Variants in USP6NL observed in about 807,000 individuals in gnomAD.
USP6NL encodes the protein USP6 N-terminal like.
USP6NL carries 26 observed loss-of-function variants against 61.9 expected under a neutral mutation model. That is an observed-to-expected ratio of 0.42 (90% confidence interval 0.31 to 0.58). The LOEUF (loss-of-function observed/expected upper bound fraction) is 0.58, where lower values mean the gene tolerates loss of function less well. Ranked by LOEUF, USP6NL falls within the 20% of genes least tolerant of loss-of-function variation. The pLI is 0.16. For synonymous variants in USP6NL, 432 were observed against 390.1 expected (o/e 1.11, Z -1.27); for missense variants, 1,114 against 1,034.3 (o/e 1.08, Z -1.06).
At chr10:11,524,874 T>C (rs1186320826) in intron 4 of USP6NL, among the ~76,000 whole-genome samples, 7 of 152,200 alleles carry the variant, frequency 4.6e-5, no homozygotes, top group Admixed American at 3.9e-4. Context: ...TTATTTTAAC[T>C]GCTTTACTTT....
At position 11,482,027 on chromosome 10, in the gene USP6NL, G is replaced by A. The variant is rs7921833; in HGVS notation, c.926-105C>T. The stretch of plus-strand genomic sequence containing the variant: ...AGTGTAAAAGGGCATTAAAAAGGGC[G>A]CAAGCAGCATACAACTTACATATGG... On this transcript the variant is annotated intron_variant, in intron 13 of 14. Transcript: ENST00000609104. The surrounding 1 kb of genome is among the most constrained non-coding windows in gnomAD (Gnocchi z 4.0). The A allele has an allele frequency of 0.23, 260,753 of 1,157,038 alleles. 33,859 individuals carry two copies. Among genetic ancestry groups the A allele is most frequent in the East Asian group, 0.62 (23,607 of 38,026 alleles). The allele number at this position is 1,157,038 out of a possible 1,614,324, so 71.7% of individuals were successfully genotyped here. A position where few individuals can be genotyped will look rare whatever the true frequency, so the allele number is the denominator to read the frequency against.
In USP6NL at chr10:11,590,948, T is replaced by C. The variant is rs994941264; in HGVS notation, c.4+6683A>G. Among the ~76,000 whole-genome samples, 10 of 152,252 alleles carry C rather than the reference T, an allele frequency of 6.6e-5. No individual in the cohort carries two copies. The South Asian group carries it at 1.2e-3, about 19-fold the overall frequency. On this transcript the variant is annotated intron_variant, in intron 2 of 14. Transcript: ENST00000609104. ...TACAGGAATTCCTTGTTTTACCCAATAGATGTACTCCTATAAGACAAAATT... is the reference window on the plus strand; with the variant it reads ...TACAGGAATTCCTTGTTTTACCCAACAGATGTACTCCTATAAGACAAAATT...
Position 11,532,597 on chromosome 10 carries a change from T to C in USP6NL, c.5-5030A>G, listed in dbSNP as rs1359673918. On this transcript the variant is annotated intron_variant, in intron 2 of 14. Coordinates refer to ENST00000609104, the MANE Select transcript of USP6NL (RefSeq NM_014688.5). This position sits in a 1 kb window ranked among gnomAD's most constrained non-coding sequence, Gnocchi z 4.1. ...CGGCTTGAAAGAAGCAGCTTCATAATGTGCCTTCATCTTGTGTCTCGATAT... is the reference window on the plus strand; with the variant it reads ...CGGCTTGAAAGAAGCAGCTTCATAACGTGCCTTCATCTTGTGTCTCGATAT... 2.0e-5 allele frequency among the ~76,000 whole-genome samples: 3 copies of C among 152,222 alleles called. No homozygotes were observed. The highest frequency in any genetic ancestry group is 3.8e-4 in the East Asian group (2 of 5,204).
rs1445434520 is a variant in USP6NL, at chr10:11,520,827, T to C, written c.156-2253A>G. ...CAGTTGTGACAAAGACCGTATGACC[T>C]ACAAAGCCAAAGATCCTTCATATCT... On this transcript the variant is annotated intron_variant, in intron 4 of 14. Coordinates refer to ENST00000609104, the MANE Select transcript of USP6NL (RefSeq NM_014688.5). This position sits in a 1 kb window ranked among gnomAD's most constrained non-coding sequence, Gnocchi z 5.2. 2.6e-5 allele frequency among the ~76,000 whole-genome samples: 4 copies of C among 152,218 alleles called. No homozygotes were observed. Among genetic ancestry groups the C allele is most frequent in the Admixed American group, 2.6e-4 (4 of 15,272 alleles).
chr10:11,549,881 T>C (rs924586420), intron 2 of USP6NL, among the ~76,000 whole-genome samples: 4 of 152,238 alleles, frequency 2.6e-5, no homozygotes, highest in Non-Finnish European at 4.4e-5. Context: ...TCCTAAATTA[T>C]ATAGTACTCA....
chr10:11,484,767 C>G (rs943177853), intron 13 of USP6NL, among the ~76,000 whole-genome samples: 1 of 152,116 alleles, frequency 6.6e-6, no homozygotes, highest in African/African-American at 2.4e-5. Flanking sequence ...AACCAAAGAC[C>G]TTTGCAGTGA....
chr10:11,559,387 A>C (rs1189334787), intron 2 of USP6NL, among the ~76,000 whole-genome samples: 7 of 152,220 alleles, frequency 4.6e-5, no homozygotes, highest in Admixed American at 4.6e-4. Flanking sequence ...AGTACAAACA[A>C]AACAGCAACT....
chr10:11,504,366 T>C (rs1834346326), intron 6 of USP6NL, among the ~76,000 whole-genome samples: 1 of 152,202 alleles, frequency 6.6e-6, no homozygotes, highest in Non-Finnish European at 1.5e-5. Flanking sequence ...TTGTTGATAA[T>C]CCTTCAACTG....
rs2096222412 is a variant in USP6NL at position 11,462,986 on chromosome 10, TA to T, written c.1941del (p.Thr648LeufsTer17). On this transcript the variant is annotated frameshift_variant, in exon 15 of 15. Coordinates refer to ENST00000609104, the MANE Select transcript of USP6NL (RefSeq NM_014688.5). LOFTEE classifies it low-confidence loss of function (END_TRUNC). ...GGAGAAGCAAAGCTGCTGTTGGCAG[TA>T]GGGAAGTGTTTGGGAGAGTTTCCGT... is the stretch of plus-strand genomic sequence containing the variant. ...VYHGNSPKHF[P>X]TANSSFASPQ... 16 of 1,613,210 alleles carry T rather than the reference TA, an allele frequency of 9.9e-6. No individual in the cohort carries two copies. Among genetic ancestry groups the T allele is most frequent in the Non-Finnish European group, 1.2e-5 (14 of 1,179,694 alleles).
In USP6NL at chr10:11,562,457, G is replaced by A. The variant is rs533519598; in HGVS notation, c.5-34890C>T. The A allele has an allele frequency of 1.0e-5, 10 of 985,312 alleles. No homozygotes were observed. The East Asian group carries it at 5.7e-4, about 56-fold the overall frequency. The allele number at this position is 985,312 out of a possible 1,614,324, so 61.0% of individuals were successfully genotyped here. ...AGGATGAAGACGCAGCAGTCATCAC[G>A]TATCTCTGAGGACAAGGATTAAGTG... On this transcript the variant is annotated intron_variant, in intron 2 of 14. Coordinates refer to ENST00000609104, the MANE Select transcript of USP6NL (RefSeq NM_014688.5). This position sits in a 1 kb window ranked among gnomAD's most constrained non-coding sequence, Gnocchi z 4.8.
intron 2 of USP6NL, among the ~76,000 whole-genome samples, chr10:11,533,752 C>G (rs1214810815): frequency 6.6e-6 from 1 of 152,160 alleles, no homozygotes; most frequent in Admixed American, 6.5e-5. Flanking sequence ...TTTAAGCCAC[C>G]AAGTTTGTGG....
chr10:11,525,416 TA>T lies in USP6NL; in HGVS notation c.124del (p.Tyr42ThrfsTer37). ...AAAGCCAAATCTATCTGTGACTTTG[TA>T]AACAAGGTAATCAGCATCTTCCCAA... ...EPWEDADYLV[Y>X]KVTDRFGFLH... On this transcript the variant is annotated frameshift_variant, in exon 4 of 15. Transcript: ENST00000609104. LOFTEE classifies it high-confidence loss of function. The surrounding 1 kb of genome is among the most constrained non-coding windows in gnomAD (Gnocchi z 5.0). 1 of 1,600,358 alleles carries T rather than the reference TA, an allele frequency of 6.2e-7. No individual in the cohort carries two copies. The highest frequency in any genetic ancestry group is 8.5e-7 in the Non-Finnish European group (1 of 1,176,538).
rs547811346 is a variant in USP6NL, at chr10:11,510,978, G to A, written c.196-1303C>T. Among the ~76,000 whole-genome samples the A allele has an allele frequency of 6.6e-6, 1 of 152,338 alleles. No individual in the cohort carries two copies. The highest frequency in any genetic ancestry group is 1.5e-5 in the Non-Finnish European group (1 of 68,034). On this transcript the variant is annotated intron_variant, in intron 5 of 14. Coordinates refer to ENST00000609104, the MANE Select transcript of USP6NL (RefSeq NM_014688.5). The surrounding 1 kb of genome is among the most constrained non-coding windows in gnomAD (Gnocchi z 4.8). ...TGGAAGCAGCAGCTCCTTACTGACT[G>A]TCTGCAATCCAGCCTCAAACAGGCA... is the stretch of plus-strand genomic sequence containing the variant.
intron 2 of USP6NL, among the ~76,000 whole-genome samples, chr10:11,582,906 G>A (rs1406437596): frequency 1.3e-5 from 2 of 149,554 alleles, no homozygotes; most frequent in African/African-American, 5.0e-5. Flanking sequence ...ATAAAATCCT[G>A]TTCATTCATA....
chr10:11,564,782 G>A lies in USP6NL; in HGVS notation c.4+32849C>T, dbSNP rs547878114. ...AACACAAGATATTGCATGAGTGTCT[G>A]AGAACACTGAGTACCTTCAATTACA... is the stretch of plus-strand genomic sequence containing the variant. On this transcript the variant is annotated intron_variant, in intron 2 of 14. Transcript: ENST00000609104. 5 of 152,306 alleles carry A rather than the reference G, an allele frequency of 3.3e-5. No individual in the cohort carries two copies. In the South Asian group the frequency reaches 1.0e-3, roughly 32 times the overall value. 9.4% of individuals were successfully genotyped at this position (152,306 alleles called of 1,614,324 possible). A position where few individuals can be genotyped will look rare whatever the true frequency, so the allele number is the denominator to read the frequency against.
rs1054843371 is a variant in USP6NL at position 11,589,883 on chromosome 10, G to A, written c.4+7748C>T. ...ACAAAATCAAACCGGTGCCGCTCCAGGGTACCAAGGCAATGCCAGGGGAAG... is the reference window on the plus strand; with the variant it reads ...ACAAAATCAAACCGGTGCCGCTCCAAGGTACCAAGGCAATGCCAGGGGAAG... On this transcript the variant is annotated intron_variant, in intron 2 of 14. Transcript: ENST00000609104. The surrounding 1 kb of genome is among the most constrained non-coding windows in gnomAD (Gnocchi z 4.7). 6.6e-6 allele frequency among the ~76,000 whole-genome samples: 1 copy of A among 152,142 alleles called. No individual in the cohort carries two copies. The highest frequency in any genetic ancestry group is 2.1e-4 in the South Asian group (1 of 4,818).
At position 11,548,929 on chromosome 10, in the gene USP6NL, T is replaced by A. The variant is rs952426627; in HGVS notation, c.5-21362A>T. 6.6e-5 allele frequency among the ~76,000 whole-genome samples: 10 copies of A among 152,182 alleles called. No homozygotes were observed. The highest frequency in any genetic ancestry group is 2.0e-4 in the Admixed American group (3 of 15,274). ...AGAAAAGTCCCTAAAGACCATTATT[T>A]CCTTTTAAACCCATTCATAAACCAT... is the stretch of plus-strand genomic sequence containing the variant. On this transcript the variant is annotated intron_variant, in intron 2 of 14. Coordinates refer to ENST00000609104, the MANE Select transcript of USP6NL (RefSeq NM_014688.5). This position sits in a 1 kb window ranked among gnomAD's most constrained non-coding sequence, Gnocchi z 4.3.
rs1206274316 is a variant in USP6NL, at chr10:11,520,804, G to A, written c.156-2230C>T. ...CATGCTGCAACAGCAGGGTTAAGCA[G>A]TTGTGACAAAGACCGTATGACCTAC... On this transcript the variant is annotated intron_variant, in intron 4 of 14. Coordinates refer to ENST00000609104, the MANE Select transcript of USP6NL (RefSeq NM_014688.5). The surrounding 1 kb of genome is among the most constrained non-coding windows in gnomAD (Gnocchi z 5.2). Among the ~76,000 whole-genome samples the A allele has an allele frequency of 1.3e-5, 2 of 152,226 alleles. No individual in the cohort carries two copies. The highest frequency in any genetic ancestry group is 4.8e-5 in the African/African-American group (2 of 41,454).
chr10:11,526,595 A>G (rs1835430531), intron 3 of USP6NL, among the ~76,000 whole-genome samples: 1 of 152,204 alleles, frequency 6.6e-6, no homozygotes. Context: ...TGGGAACATA[A>G]CTGCTAAGCT....
Sources: gnomAD v4.1 joint callset for allele counts (sites outside exome capture counted in the v4.1 genomes callset) on GRCh38, gnomAD v4.1.1 for gene constraint, Gnocchi (gnomAD v3.1) non-coding constraint, MANE v1.5 for transcripts, NCBI Gene and HGNC (gene_info 2026-07-23, HGNC 2026-07-21) for gene names.